Variants in PDE7B observed in about 807,000 individuals in gnomAD.
The protein encoded by PDE7B is 3',5'-cyclic-AMP phosphodiesterase 7B.
PDE7B carries 29 observed loss-of-function variants against 56.2 expected under a neutral mutation model. The observed-to-expected ratio is 0.52, with a 90% CI of 0.38 to 0.70. PDE7B has a LOEUF of 0.70. Among genes scored for constraint, PDE7B ranks in the 30% least tolerant of loss-of-function variants. The probability of loss-of-function intolerance (pLI) is 0.00; values close to 1 mark genes in which losing one functional copy is unlikely to be tolerated. For missense variants in PDE7B, 490 were observed against 565.0 expected (o/e 0.87, Z 1.35); for synonymous variants, 197 against 196.9 (o/e 1.00, Z 0.00).
chr6:135,934,925 A>G (rs1417383135), intron 1 of PDE7B, among the ~76,000 whole-genome samples: 2 of 104,886 alleles, frequency 1.9e-5, no homozygotes, highest in African/African-American at 7.8e-5. Flanking sequence ...TTATTTAAAT[A>G]TATATTTAAA....
At chr6:135,970,289 G>T (rs1397199096) in intron 2 of PDE7B, among the ~76,000 whole-genome samples, 1 of 152,062 alleles carries the variant, frequency 6.6e-6, no homozygotes, top group Admixed American at 6.6e-5. Context: ...GTGGCAGGTG[G>T]GTAGCTTTTG....
In PDE7B at chr6:136,164,194, CAGA is replaced by C. The variant is rs767346176; in HGVS notation, c.711+8439_711+8441del. ...GGCCTCAGGAAACTTACCATCATAG[CAGA>C]AGGAGAGGCAAACACATCCTTCTTC... On this transcript the variant is annotated intron_variant, in intron 8 of 12. Transcript: ENST00000308191. 2.6e-5 allele frequency among the ~76,000 whole-genome samples: 4 copies of C among 152,150 alleles called. No homozygotes were observed. The South Asian group carries it at 6.2e-4, about 24-fold the overall frequency.
At chr6:136,170,015 G>A (rs1401574279) in intron 8 of PDE7B, among the ~76,000 whole-genome samples, 2 of 152,080 alleles carry the variant, frequency 1.3e-5, no homozygotes, top group African/African-American at 4.8e-5. Context: ...ACAAAGCCTT[G>A]GAGATAAATG....
intron 1 of PDE7B, among the ~76,000 whole-genome samples, chr6:135,917,370 G>A (rs955167331): frequency 7.9e-5 from 12 of 151,456 alleles, no homozygotes; most frequent in Non-Finnish European, 4.4e-5. Flanking sequence ...GCAGCGTCAC[G>A]TCTGCTGTTA....
At chr6:136,111,844 G>A (rs1319281419) in intron 3 of PDE7B, among the ~76,000 whole-genome samples, 2 of 152,096 alleles carry the variant, frequency 1.3e-5, no homozygotes, top group African/African-American at 2.4e-5. Flanking sequence ...TTTGAGTCAA[G>A]TTTTTCCCAG....
rs1400697197 is a variant in PDE7B at position 135,921,542 on chromosome 6, T to C, written c.22-25922T>C. 5.9e-5 allele frequency among the ~76,000 whole-genome samples: 9 copies of C among 152,298 alleles called. No homozygotes were observed. The South Asian group carries it at 1.4e-3, about 25-fold the overall frequency. On this transcript the variant is annotated intron_variant, in intron 1 of 12. Coordinates refer to ENST00000308191, the MANE Select transcript of PDE7B (RefSeq NM_018945.4). Reference sequence around the variant, plus strand: ...CCCCTATATTAAAATTTTCATAGCATAATATATCCATCATCTGGACATTCT... The same window carrying C: ...CCCCTATATTAAAATTTTCATAGCACAATATATCCATCATCTGGACATTCT...
intron 2 of PDE7B, among the ~76,000 whole-genome samples, chr6:135,980,357 T>C (rs943509854): frequency 5.9e-5 from 9 of 152,158 alleles, no homozygotes; most frequent in Admixed American, 2.6e-4. Flanking sequence ...AACCTAGGCA[T>C]TACCATTCAG....
intron 11 of PDE7B, among the ~76,000 whole-genome samples, chr6:136,185,268 T>C (rs1779125961): frequency 6.6e-6 from 1 of 152,092 alleles, no homozygotes; most frequent in Admixed American, 6.5e-5. Context: ...AACTGCAGCC[T>C]CTGTAGGGCT....
At chr6:135,991,919 C>T (rs1224874814) in intron 2 of PDE7B, 1 of 152,196 alleles carries the variant, frequency 6.6e-6, no homozygotes, top group African/African-American at 2.4e-5. Flanking sequence ...TGTTCTCTTT[C>T]ATATGATTCT....
chr6:136,053,232 C>A (rs7754725), intron 2 of PDE7B, among the ~76,000 whole-genome samples: 1 of 132,188 alleles, frequency 7.6e-6, no homozygotes, highest in Non-Finnish European at 1.6e-5. Context: ...ACAACAGGCC[C>A]GGTGTGTGAT....
At chr6:136,176,255 T>C (rs1183905631) in intron 9 of PDE7B, among the ~76,000 whole-genome samples, 1 of 152,078 alleles carries the variant, frequency 6.6e-6, no homozygotes, top group Non-Finnish European at 1.5e-5. Flanking sequence ...TTCACCTAAT[T>C]AAAATAATTT....
At position 135,924,617 on chromosome 6, in the gene PDE7B, CTTTTTTTT is replaced by C. The variant is rs3037775; in HGVS notation, c.22-22829_22-22822del. On this transcript the variant is annotated intron_variant, in intron 1 of 12. Transcript: ENST00000308191. Reference sequence around the variant, plus strand: ...TGAGTAGTGGAATCTCTCTCTCTCTCTTTTTTTTTTTTTTTTTTTTTTTTTGTGGGATG... The same window carrying C: ...TGAGTAGTGGAATCTCTCTCTCTCTCTTTTTTTTTTTTTTTTTGTGGGATG... 8.9e-3 allele frequency among the ~76,000 whole-genome samples: 441 copies of C among 49,608 alleles called. 4 individuals carry two copies. The highest frequency in any genetic ancestry group is 0.042 in the African/African-American group (423 of 10,064). The allele number at this position is 49,608 out of a possible 152,430, so 32.5% of individuals were successfully genotyped here.
intron 1 of PDE7B, among the ~76,000 whole-genome samples, chr6:135,938,776 G>A (rs1359180261): frequency 1.3e-5 from 2 of 152,114 alleles, no homozygotes; most frequent in Admixed American, 6.5e-5. Context: ...GCAGGGATAC[G>A]AGGAGATCTT....
At chr6:135,969,748 T>C (rs1056354856) in intron 2 of PDE7B, among the ~76,000 whole-genome samples, 2 of 152,128 alleles carry the variant, frequency 1.3e-5, no homozygotes, top group Non-Finnish European at 2.9e-5. Context: ...AAAGCCAAAA[T>C]TGACAAATGG....
chr6:135,897,380 C>T (rs1391740865), intron 1 of PDE7B, among the ~76,000 whole-genome samples: 1 of 152,036 alleles, frequency 6.6e-6, no homozygotes, highest in East Asian at 1.9e-4. Context: ...TCAATGTCTT[C>T]TACTTTCATT....
intron 3 of PDE7B, among the ~76,000 whole-genome samples, chr6:136,110,035 A>G (rs1777715776): frequency 6.6e-6 from 1 of 152,164 alleles, no homozygotes; most frequent in African/African-American, 2.4e-5. Flanking sequence ...TGATCCTTCG[A>G]TCCTTGAGAG....
intron 8 of PDE7B, among the ~76,000 whole-genome samples, chr6:136,160,623 T>C (rs1484263839): frequency 1.3e-5 from 2 of 152,148 alleles, no homozygotes; most frequent in Non-Finnish European, 2.9e-5. Flanking sequence ...AGAAAGAGTT[T>C]CCTGAAACTC....
At chr6:135,893,548 C>G (rs532106940) in intron 1 of PDE7B, among the ~76,000 whole-genome samples, 109 of 152,206 alleles carry the variant, frequency 7.2e-4, no homozygotes, top group Middle Eastern at 6.8e-3. Flanking sequence ...AATAGGAACA[C>G]TTTTACACTG....
intron 3 of PDE7B, among the ~76,000 whole-genome samples, chr6:136,112,970 T>C (rs1777772616): frequency 6.6e-6 from 1 of 152,192 alleles, no homozygotes; most frequent in African/African-American, 2.4e-5. Context: ...CAGAGTGTCC[T>C]GATTTGGACA....
Sources: gnomAD v4.1 joint callset for allele counts (sites outside exome capture counted in the v4.1 genomes callset) on GRCh38, gnomAD v4.1.1 for gene constraint, MANE v1.5 for transcripts, NCBI Gene and HGNC (gene_info 2026-07-23, HGNC 2026-07-21) for gene names.